ABHD17C: variants seen among roughly 807,000 people sequenced by gnomAD.
ABHD17C encodes alpha/beta hydrolase domain-containing protein 17C.
In ABHD17C, 11 loss-of-function variants were observed where a neutral mutation model predicts 27.9. The ratio of observed to expected loss-of-function variants is 0.39; its 90% CI spans 0.25 to 0.65. The LOEUF is 0.65. ABHD17C is among the 30% of genes least tolerant of loss of function. ABHD17C has a pLI of 0.45. For synonymous variants in ABHD17C, 233 were observed against 209.1 expected (o/e 1.11, Z -0.98); for missense variants, 280 against 470.2 (o/e 0.60, Z 3.74).
intron 1 of ABHD17C, among the ~76,000 whole-genome samples, chr15:80,715,755 AT>A (rs1291864056): frequency 1.3e-5 from 2 of 152,172 alleles, no homozygotes; most frequent in Non-Finnish European, 2.9e-5. Flanking sequence ...CAAGGTTTCC[AT>A]GTATTTCTTT....
chr15:80,722,111 G>A (rs1429676664), intron 1 of ABHD17C, among the ~76,000 whole-genome samples: 3 of 151,970 alleles, frequency 2.0e-5, no homozygotes, highest in Non-Finnish European at 2.9e-5. Flanking sequence ...TTCTCCACTC[G>A]ATTTTATCCG....
At chr15:80,727,663 C>T (rs745925927) in intron 1 of ABHD17C, among the ~76,000 whole-genome samples, 16 of 151,960 alleles carry the variant, frequency 1.1e-4, no homozygotes, top group Non-Finnish European at 1.6e-4. Flanking sequence ...TGAGGAGCTG[C>T]ATGCAGTGGG....
rs915173571 is a variant in ABHD17C at position 80,754,518 on chromosome 15, C to T, written c.*148C>T. 2.6e-5 allele frequency: 17 copies of T among 662,522 alleles called. No homozygotes were observed. In the East Asian group the frequency reaches 4.7e-4, roughly 18 times the overall value. The allele number at this position is 662,522 out of a possible 1,614,324, so 41.0% of individuals were successfully genotyped here. ...TCTAATCAAAGAGCTGATGAAATCT[C>T]AGTCTTTTGTATCTAGAGGTGGTTC... is the stretch of plus-strand genomic sequence containing the variant. On this transcript the variant is annotated 3_prime_UTR_variant, in exon 3 of 3. Transcript: ENST00000258884.
At chr15:80,721,011 C>T (rs527310890) in intron 1 of ABHD17C, among the ~76,000 whole-genome samples, 1 of 151,346 alleles carries the variant, frequency 6.6e-6, no homozygotes, top group Non-Finnish European at 1.5e-5. Context: ...CAGAGATTTT[C>T]TTTAATATTT....
chr15:80,696,094 G>A (rs1894490666), intron 1 of ABHD17C, 75 bp downstream of exon 1: 1 of 1,417,284 alleles, frequency 7.1e-7, no homozygotes, highest in Admixed American at 2.4e-5. Context: ...GGGCCCCTGG[G>A]GCGGCCTGCC....
chr15:80,710,960 G>T (rs1340563714), intron 1 of ABHD17C, among the ~76,000 whole-genome samples: 6 of 152,166 alleles, frequency 3.9e-5, no homozygotes, highest in African/African-American at 7.2e-5. Context: ...TTGTTGAGCT[G>T]TAGGCGCTCA....
At chr15:80,702,409 C>A (rs778562294) in intron 1 of ABHD17C, among the ~76,000 whole-genome samples, 1 of 152,128 alleles carries the variant, frequency 6.6e-6, no homozygotes, top group Non-Finnish European at 1.5e-5. Context: ...CCAGCCCGGG[C>A]AACATAACAA....
chr15:80,723,138 A>ATGTGTGTGTGTGTGTGTGTGTGTGTG (rs57751486), intron 1 of ABHD17C, among the ~76,000 whole-genome samples: 1 of 124,936 alleles, frequency 8.0e-6, no homozygotes, highest in African/African-American at 3.9e-5. Context: ...GTGTGTATAT[A>ATGTGTGTGTGTGTGTGTGTGTGTGTG]TGTGTGTGTG....
At chr15:80,713,774 A>G (rs1033140824) in intron 1 of ABHD17C, among the ~76,000 whole-genome samples, 4 of 151,670 alleles carry the variant, frequency 2.6e-5, no homozygotes, top group Non-Finnish European at 5.9e-5. Context: ...GTGCCATTGC[A>G]CTCCAGCCTG....
At chr15:80,753,215 G>C (rs1895387065) in intron 2 of ABHD17C, among the ~76,000 whole-genome samples, 1 of 151,706 alleles carries the variant, frequency 6.6e-6, no homozygotes, top group Admixed American at 6.6e-5. Flanking sequence ...AAATCTAAAA[G>C]TAATATAAAG....
chr15:80,708,080 A>G (rs777906835), intron 1 of ABHD17C, among the ~76,000 whole-genome samples: 14 of 151,166 alleles, frequency 9.3e-5, no homozygotes, highest in Admixed American at 2.6e-4. Context: ...TGCCCCTGTC[A>G]CTCTCTTCCT....
At chr15:80,750,550 GA>G (rs1440350793) in intron 2 of ABHD17C, among the ~76,000 whole-genome samples, 2 of 151,528 alleles carry the variant, frequency 1.3e-5, no homozygotes, top group Admixed American at 1.3e-4. Flanking sequence ...GCTATTGCTG[GA>G]AAAAAAATAA....
intron 1 of ABHD17C, among the ~76,000 whole-genome samples, chr15:80,716,805 C>T (rs1408605327): frequency 1.3e-5 from 2 of 152,160 alleles, no homozygotes; most frequent in Non-Finnish European, 2.9e-5. Flanking sequence ...GGAATGTTCC[C>T]AGTTCCCTTG....
At chr15:80,703,493 A>T (rs1039128612) in intron 1 of ABHD17C, 1 of 152,218 alleles carries the variant, frequency 6.6e-6, no homozygotes, top group African/African-American at 2.4e-5. Flanking sequence ...TGTGACTTTT[A>T]GGGAAACCAC....
intron 1 of ABHD17C, among the ~76,000 whole-genome samples, chr15:80,705,377 A>G (rs778892517): frequency 1.7e-4 from 2 of 11,630 alleles, no homozygotes; most frequent in African/African-American, 3.2e-4. Context: ...GGTTAGGAGC[A>G]TATATTTTAG....
intron 1 of ABHD17C, among the ~76,000 whole-genome samples, chr15:80,730,593 G>A (rs1895044669): frequency 6.6e-6 from 1 of 152,228 alleles, no homozygotes; most frequent in South Asian, 2.1e-4. Flanking sequence ...AGTATTGTAT[G>A]TTCTGCCAAA....
At chr15:80,751,128 T>C (rs1895359528) in intron 2 of ABHD17C, among the ~76,000 whole-genome samples, 1 of 151,960 alleles carries the variant, frequency 6.6e-6, no homozygotes. Context: ...GGAGGGTGGA[T>C]TGCCAGAATT....
chr15:80,698,566 TTC>T (rs780687674), intron 1 of ABHD17C, among the ~76,000 whole-genome samples: 4 of 152,200 alleles, frequency 2.6e-5, no homozygotes, highest in Non-Finnish European at 5.9e-5. Context: ...ATTTATCAGA[TTC>T]TTCAGGAGGT....
intron 1 of ABHD17C, among the ~76,000 whole-genome samples, chr15:80,749,052 T>A (rs1895330578): frequency 6.6e-6 from 1 of 152,154 alleles, no homozygotes; most frequent in Admixed American, 6.5e-5. Context: ...GTAAAACTTT[T>A]TCTGATAAAT....
Sources: allele counts gnomAD v4.1 joint callset (sites outside exome capture counted in the v4.1 genomes callset), GRCh38; gene constraint gnomAD v4.1.1; transcripts MANE v1.5; gene names NCBI Gene and HGNC (gene_info 2026-07-23, HGNC 2026-07-21).